The following SLC44A4 variants were observed in gnomAD, a reference collection of about 807,000 sequenced individuals.
SLC44A4 encodes solute carrier family 44 member 4.
SLC44A4 carries 74 observed loss-of-function variants against 97.0 expected under a neutral mutation model. That is an observed-to-expected ratio of 0.76 (90% CI 0.63 to 0.93). The LOEUF (loss-of-function observed/expected upper bound fraction) is 0.93, where lower values mean the gene tolerates loss of function less well. Ranked by LOEUF, SLC44A4 falls within the 40% of genes least tolerant of loss-of-function variation. The pLI is 0.00. For missense variants in SLC44A4, 799 were observed against 902.9 expected, an observed-to-expected ratio of 0.88 and a Z score of 1.48; for synonymous variants, 325 against 363.8, an observed-to-expected ratio of 0.89 and a Z score of 1.21.
At chr6:31,869,325 G>A (rs1763025981) in intron 12 of SLC44A4, 68 bp from the exon 13 acceptor site, 2 of 1,249,230 alleles carry the variant, frequency 1.6e-6, no homozygotes, top group Non-Finnish European at 2.3e-6. Context: ...TTAGGGACCT[G>A]TTCCTAGGTG....
rs377025063 is a variant in SLC44A4 at position 31,878,924 on chromosome 6, C to T, written c.40+17G>A. 131 of 1,613,642 alleles carry T rather than the reference C, an allele frequency of 8.1e-5. No homozygotes were observed. Among genetic ancestry groups the T allele is most frequent in the Non-Finnish European group, 1.1e-4 (124 of 1,179,824 alleles). On this transcript the variant is annotated intron_variant, in intron 1 of 20. Coordinates refer to ENST00000229729, the MANE Select transcript of SLC44A4 (RefSeq NM_025257.3). This position sits in a 1 kb window ranked among gnomAD's most constrained non-coding sequence, Gnocchi z 4.0. The stretch of plus-strand genomic sequence containing the variant: ...TCCCCTCCCTCCACAGGGTCCCGGG[C>T]CTCGCCCCAGTCTCACCGTAGGCCT...
chr6:31,867,668 G>T (rs751381379), intron 13 of SLC44A4, among the ~76,000 whole-genome samples: 1 of 151,600 alleles, frequency 6.6e-6, no homozygotes, highest in Non-Finnish European at 1.5e-5. Flanking sequence ...CAAGGCTTCA[G>T]TGAGCCATGA....
In SLC44A4 at chr6:31,874,655, C is replaced by T. The variant is rs1763342396; in HGVS notation, c.468+66G>A. 1 of 1,565,816 alleles carries T rather than the reference C, an allele frequency of 6.4e-7. No individual in the cohort carries two copies. The highest frequency in any genetic ancestry group is 1.2e-5 in the South Asian group (1 of 81,772). On this transcript the variant is annotated intron_variant, in intron 6 of 20. Transcript: ENST00000229729. This position sits in a 1 kb window ranked among gnomAD's most constrained non-coding sequence, Gnocchi z 4.8. Reference sequence around the variant, plus strand: ...AACCTGGTGATGATCTACCCAACTCCCCCTCCCTCTCGTGCCCACCCTGGC... The same window carrying T: ...AACCTGGTGATGATCTACCCAACTCTCCCTCCCTCTCGTGCCCACCCTGGC...
chr6:31,870,452 G>A (rs1166879650), intron 11 of SLC44A4, 151 bp downstream of exon 11: 4 of 634,678 alleles, frequency 6.3e-6, no homozygotes, highest in Non-Finnish European at 1.1e-5. Context: ...TACAGATGGG[G>A]AAGCAAAGCC....
chr6:31,866,183 C>A, intron 13 of SLC44A4, 57 bp from the exon 14 acceptor site: 1 of 1,579,582 alleles, frequency 6.3e-7, no homozygotes, highest in Non-Finnish European at 8.6e-7. Flanking sequence ...CAGTATGGAG[C>A]CTGGGCGTCC....
In SLC44A4 at chr6:31,876,050, ACT is replaced by A; in HGVS notation, c.163+4_163+5del. ...CTGCCCTGGCTCTGAGCAGCTGGAA[ACT>A]CACCCACAATCCCCACCACGATGTA... On this transcript the variant is annotated splice_donor_5th_base_variant and intron_variant, in intron 3 of 20. Coordinates refer to ENST00000229729, the MANE Select transcript of SLC44A4 (RefSeq NM_025257.3). This position sits in a 1 kb window ranked among gnomAD's most constrained non-coding sequence, Gnocchi z 4.8. 1 of 1,613,962 alleles carries A rather than the reference ACT, an allele frequency of 6.2e-7. No individual in the cohort carries two copies. Among genetic ancestry groups the A allele is most frequent in the Non-Finnish European group, 8.5e-7 (1 of 1,179,974 alleles).
chr6:31,865,354 G>A lies in SLC44A4; in HGVS notation c.1721C>T (p.Ala574Val). 6.2e-7 allele frequency: 1 copy of A among 1,613,990 alleles called. No homozygotes were observed. ...CATGAGTAGCATGAACGCATTTTTG[G>A]CTGAGACACAGAAATTCTTCCCGTA... is the stretch of plus-strand genomic sequence containing the variant. ...AIYGKNFCVSAKNAFMLLMRN... is the reference protein window; with the variant it reads ...AIYGKNFCVSVKNAFMLLMRN... Residue 574 changes from alanine (A) to valine (V), a missense_variant, in exon 17 of 21, where the codon GCC becomes GTC. This residue lies in a region of SLC44A4 where 379 missense variants were observed against 438.3 expected (regional missense o/e 0.86). Coordinates refer to ENST00000229729, the MANE Select transcript of SLC44A4 (RefSeq NM_025257.3). This position sits in a 1 kb window ranked among gnomAD's most constrained non-coding sequence, Gnocchi z 5.2.
chr6:31,873,332 G>A (rs1480394963), intron 7 of SLC44A4, among the ~76,000 whole-genome samples: 1 of 151,984 alleles, frequency 6.6e-6, no homozygotes, highest in Non-Finnish European at 1.5e-5. Context: ...AGAGGTGCAT[G>A]CCACCACGCC....
At chr6:31,867,824 CT>C (rs3997888) in intron 13 of SLC44A4, among the ~76,000 whole-genome samples, 10,340 of 137,460 alleles carry the variant, frequency 0.075, 360 homozygotes, top group Non-Finnish European at 0.11. Context: ...GTAAATAAAC[CT>C]TTTTTTTTTT....
chr6:31,874,403 C>T lies in SLC44A4; in HGVS notation c.529+57G>A. The T allele has an allele frequency of 6.3e-7, 1 of 1,579,100 alleles. No homozygotes were observed. The highest frequency in any genetic ancestry group is 8.7e-7 in the Non-Finnish European group (1 of 1,149,850). On this transcript the variant is annotated intron_variant, in intron 7 of 20. Transcript: ENST00000229729. This position sits in a 1 kb window ranked among gnomAD's most constrained non-coding sequence, Gnocchi z 4.8. ...TCTCTCTGGGCCTGATTTCTTCATT[C>T]AAGCAATGAAAACACTGGACTAGAT... is the stretch of plus-strand genomic sequence containing the variant.
chr6:31,877,007 GC>G lies in SLC44A4; in HGVS notation c.89+26del. Reference sequence around the variant, plus strand: ...CACACTGCACCCACCACCCCCGCCAGCCCCCGGAGCAGTGCCCAGAGCTCAC... The same window carrying G: ...CACACTGCACCCACCACCCCCGCCAGCCCCGGAGCAGTGCCCAGAGCTCAC... On this transcript the variant is annotated intron_variant, in intron 2 of 20. Coordinates refer to ENST00000229729, the MANE Select transcript of SLC44A4 (RefSeq NM_025257.3). The surrounding 1 kb of genome is among the most constrained non-coding windows in gnomAD (Gnocchi z 6.5). The G allele has an allele frequency of 1.2e-6, 2 of 1,600,488 alleles. No individual in the cohort carries two copies. Among genetic ancestry groups the G allele is most frequent in the Non-Finnish European group, 8.5e-7 (1 of 1,174,450 alleles).
chr6:31,869,245 T>C lies in SLC44A4; in HGVS notation c.1143A>G (p.Thr381=), dbSNP rs1211587426. ...AGAGCACATACTGGGGTTGCCCCGA[T>C]GTAGCCAGGTACCCAGAGGGGAGTC... is the stretch of plus-strand genomic sequence containing the variant. ...YWAMTALYLA[T]SGQPQYVLWA... Residue 381 remains threonine, a synonymous_variant, in exon 13 of 21, where the codon ACA becomes ACG. Coordinates refer to ENST00000229729, the MANE Select transcript of SLC44A4 (RefSeq NM_025257.3). 4.1e-5 allele frequency: 66 copies of C among 1,607,108 alleles called. No individual in the cohort carries two copies. Among genetic ancestry groups the C allele is most frequent in the Non-Finnish European group, 5.6e-5 (66 of 1,177,292 alleles).
intron 4 of SLC44A4, among the ~76,000 whole-genome samples, chr6:31,875,442 T>G (rs1244877569): frequency 6.6e-6 from 1 of 152,232 alleles, no homozygotes; most frequent in African/African-American, 2.4e-5. Flanking sequence ...GTTTTATTAT[T>G]TATTGGACAT....
rs771326851 is a variant in SLC44A4 at position 31,876,328 on chromosome 6, G to T, written c.90-199C>A. Reference sequence around the variant, plus strand: ...CTGTCACACAGACTGGAGTGCAGTGGTGCAATCTTGGCTCACTGCAGCCTC... The same window carrying T: ...CTGTCACACAGACTGGAGTGCAGTGTTGCAATCTTGGCTCACTGCAGCCTC... On this transcript the variant is annotated intron_variant, in intron 2 of 20. Coordinates refer to ENST00000229729, the MANE Select transcript of SLC44A4 (RefSeq NM_025257.3). The surrounding 1 kb of genome is among the most constrained non-coding windows in gnomAD (Gnocchi z 4.8). 5.3e-5 allele frequency among the ~76,000 whole-genome samples: 8 copies of T among 152,128 alleles called. No individual in the cohort carries two copies. The highest frequency in any genetic ancestry group is 9.7e-5 in the African/African-American group (4 of 41,414).
In SLC44A4 at chr6:31,876,992, C is replaced by T; in HGVS notation, c.89+42G>A. ...GCAAATACTGGATTCCACACTGCAC[C>T]CACCACCCCCGCCAGCCCCCGGAGC... On this transcript the variant is annotated intron_variant, in intron 2 of 20. Coordinates refer to ENST00000229729, the MANE Select transcript of SLC44A4 (RefSeq NM_025257.3). The surrounding 1 kb of genome is among the most constrained non-coding windows in gnomAD (Gnocchi z 4.8). The T allele has an allele frequency of 6.3e-7, 1 of 1,580,256 alleles. No individual in the cohort carries two copies. The highest frequency in any genetic ancestry group is 1.7e-4 in the Middle Eastern group (1 of 6,004).
chr6:31,877,121 C>T lies in SLC44A4; in HGVS notation c.41-39G>A, dbSNP rs1262892336. The T allele has an allele frequency of 2.5e-6, 4 of 1,590,694 alleles. No homozygotes were observed. In the East Asian group the frequency reaches 6.7e-5, roughly 27 times the overall value. On this transcript the variant is annotated intron_variant, in intron 1 of 20. Coordinates refer to ENST00000229729, the MANE Select transcript of SLC44A4 (RefSeq NM_025257.3). This position sits in a 1 kb window ranked among gnomAD's most constrained non-coding sequence, Gnocchi z 6.5. ...GAAGAGGTGTGGAGGATGAGTCTCT[C>T]TCTGCATATCTTGTCCTGCTGAGTC...
chr6:31,867,681 G>A (rs1762935296), intron 13 of SLC44A4, among the ~76,000 whole-genome samples: 1 of 151,008 alleles, frequency 6.6e-6, no homozygotes, highest in Non-Finnish European at 1.5e-5. Context: ...AGCCATGATC[G>A]CATCACTGCA....
chr6:31,864,673 C>T lies in SLC44A4; in HGVS notation c.1990G>A (p.Asp664Asn). The T allele has an allele frequency of 6.2e-7, 1 of 1,613,776 alleles. No homozygotes were observed. The highest frequency in any genetic ancestry group is 8.5e-7 in the Non-Finnish European group (1 of 1,179,980). ...TCACGGAAGCAGAGGAAGAGCGTGT[C>T]CACACACATGCCGAAAACGCTGAAG... is the stretch of plus-strand genomic sequence containing the variant. ...GFFSVFGMCV[D>N]TLFLCFLEDL... The change falls in exon 20 of 21, where the codon GAC (aspartate) becomes AAC (asparagine). Residue 664 changes from aspartate to asparagine, a missense_variant. By Grantham distance (23) the Asp-to-Asn change is conservative. Transcript: ENST00000229729.
At chr6:31,875,443 T>C (rs1298044801) in intron 4 of SLC44A4, among the ~76,000 whole-genome samples, 1 of 152,218 alleles carries the variant, frequency 6.6e-6, no homozygotes, top group African/African-American at 2.4e-5. Context: ...TTTTATTATT[T>C]ATTGGACATC....
Sources: allele counts gnomAD v4.1 joint callset (sites outside exome capture counted in the v4.1 genomes callset), GRCh38; gene constraint gnomAD v4.1.1; regional missense constraint gnomAD v4.1.1; non-coding constraint Gnocchi (gnomAD v3.1); transcripts MANE v1.5; gene names NCBI Gene and HGNC (gene_info 2026-07-23, HGNC 2026-07-21).